Variants in HOMER1 observed in about 807,000 individuals in gnomAD.
The protein encoded by HOMER1 is homer protein homolog 1.
Under a neutral mutation model 48.9 loss-of-function variants are expected in HOMER1, and 3 were observed. The ratio of observed to expected loss-of-function variants is 0.06; its 90% CI spans 0.03 to 0.16. The LOEUF is 0.16. HOMER1 is among the 10% of genes least tolerant of loss of function. HOMER1 has a pLI of 1.00. For synonymous variants in HOMER1, 134 were observed against 146.4 expected, an observed-to-expected ratio of 0.92 and a Z score of 0.61; for missense variants, 247 against 411.4, an observed-to-expected ratio of 0.60 and a Z score of 3.46.
Position 79,456,964 on chromosome 5 carries a change from T to G in HOMER1, c.60A>C (p.Thr20=), listed in dbSNP as rs61737642. The change falls in exon 2 of 9, where the codon ACA becomes ACC. Residue 20 remains threonine, a synonymous_variant. Transcript: ENST00000334082. ...RAHVFQIDPN[T]KKNWVPTSKH... The stretch of plus-strand genomic sequence containing the variant: ...TGCTGGTGGGTACCCAGTTCTTCTT[T>G]GTGTTTGGGTCAATTTGGAAGACAT... The G allele has an allele frequency of 3.7e-6, 6 of 1,613,910 alleles. No homozygotes were observed. The highest frequency in any genetic ancestry group is 5.1e-6 in the Non-Finnish European group (6 of 1,179,920).
intron 5 of HOMER1, among the ~76,000 whole-genome samples, chr5:79,415,601 G>A (rs943396935): frequency 2.6e-5 from 4 of 152,060 alleles, no homozygotes; most frequent in Admixed American, 2.0e-4. Flanking sequence ...TTTAATTGAC[G>A]ATATTTTTTC....
chr5:79,498,905 G>A (rs909582032), intron 1 of HOMER1, among the ~76,000 whole-genome samples: 1 of 148,256 alleles, frequency 6.7e-6, no homozygotes, highest in African/African-American at 2.5e-5. Context: ...GCATGATCTC[G>A]GCCCATTGCA....
chr5:79,446,727 C>T (rs927840322), intron 4 of HOMER1, among the ~76,000 whole-genome samples: 3 of 151,640 alleles, frequency 2.0e-5, no homozygotes, highest in African/African-American at 7.3e-5. Flanking sequence ...GCAGCCTCGA[C>T]CTCCCAGTCA....
chr5:79,427,358 A>G lies in HOMER1; in HGVS notation c.527+11652T>C, dbSNP rs1011688693. On this transcript the variant is annotated intron_variant, in intron 5 of 8. Coordinates refer to ENST00000334082, the MANE Select transcript of HOMER1 (RefSeq NM_004272.5). ...GCTTTATATTCATTGGAATAATCCT[A>G]TAATTTATCCAGTTTTTTTTTGTAT... 3.3e-5 allele frequency among the ~76,000 whole-genome samples: 5 copies of G among 152,196 alleles called. No homozygotes were observed. In the East Asian group the frequency reaches 9.7e-4, roughly 29 times the overall value.
chr5:79,384,359 A>G (rs1485559451), intron 8 of HOMER1, among the ~76,000 whole-genome samples: 1 of 152,176 alleles, frequency 6.6e-6, no homozygotes, highest in Non-Finnish European at 1.5e-5. Context: ...AAAGATTACG[A>G]GAGACTATTA....
intron 7 of HOMER1, 57 bp from the exon 8 acceptor site, chr5:79,396,960 C>T: frequency 3.3e-6 from 3 of 900,550 alleles, no homozygotes. Flanking sequence ...AAGGGAAGGT[C>T]TTGTTTTTCC....
At chr5:79,477,956 C>T (rs555806449) in intron 1 of HOMER1, among the ~76,000 whole-genome samples, 1 of 152,072 alleles carries the variant, frequency 6.6e-6, no homozygotes, top group South Asian at 2.1e-4. Context: ...ATGCCACAGA[C>T]TGAATAACAC....
chr5:79,468,850 A>G (rs1247857160), intron 1 of HOMER1, among the ~76,000 whole-genome samples: 2 of 152,180 alleles, frequency 1.3e-5, no homozygotes, highest in Admixed American at 1.3e-4. Context: ...ATTTGTGCCA[A>G]TTTTGGACAT....
chr5:79,504,315 T>G (rs1752688002), intron 1 of HOMER1, among the ~76,000 whole-genome samples: 2 of 149,772 alleles, frequency 1.3e-5, no homozygotes, highest in Admixed American at 1.3e-4. Context: ...GCAGAGTGAT[T>G]AAGCAAAGCA....
At position 79,480,717 on chromosome 5, in the gene HOMER1, T is replaced by C. The variant is rs144439030; in HGVS notation, c.6-23699A>G. Among the ~76,000 whole-genome samples the C allele has an allele frequency of 1.8e-3, 280 of 152,342 alleles. 3 individuals carry two copies. The South Asian group carries it at 0.035, about 19-fold the overall frequency. On this transcript the variant is annotated intron_variant, in intron 1 of 8. Coordinates refer to ENST00000334082, the MANE Select transcript of HOMER1 (RefSeq NM_004272.5). ...AATCTGAGAATTTTAACTTTGCTCATGCAAACAAACTTTTCATAACTGAAA... is the reference window on the plus strand; with the variant it reads ...AATCTGAGAATTTTAACTTTGCTCACGCAAACAAACTTTTCATAACTGAAA...
chr5:79,433,760 TAG>T (rs1750489816), intron 5 of HOMER1, among the ~76,000 whole-genome samples: 1 of 152,204 alleles, frequency 6.6e-6, no homozygotes, highest in Non-Finnish European at 1.5e-5. Flanking sequence ...GTCATAGTTT[TAG>T]AGTGTTTCTA....
At chr5:79,393,078 A>G (rs765472752) in intron 8 of HOMER1, among the ~76,000 whole-genome samples, 6 of 152,074 alleles carry the variant, frequency 3.9e-5, no homozygotes, top group Non-Finnish European at 8.8e-5. Context: ...TTTCTGTATT[A>G]TTCTTGCAAC....
At chr5:79,418,648 T>C (rs1750010436) in intron 5 of HOMER1, among the ~76,000 whole-genome samples, 1 of 152,340 alleles carries the variant, frequency 6.6e-6, no homozygotes, top group East Asian at 1.9e-4. Context: ...GACCAGTGAC[T>C]TGGGCTTCCT....
At chr5:79,477,863 T>C (rs924597899) in intron 1 of HOMER1, among the ~76,000 whole-genome samples, 5 of 152,180 alleles carry the variant, frequency 3.3e-5, no homozygotes, top group African/African-American at 1.2e-4. Context: ...TTTTTTTTTT[T>C]TAATCAATCA....
chr5:79,381,235 C>G (rs749864779), intron 8 of HOMER1, among the ~76,000 whole-genome samples: 1 of 152,066 alleles, frequency 6.6e-6, no homozygotes, highest in Non-Finnish European at 1.5e-5. Context: ...ATCACAGGTA[C>G]TATTGATGCT....
intron 5 of HOMER1, among the ~76,000 whole-genome samples, chr5:79,437,348 T>G (rs1580450970): frequency 6.6e-6 from 1 of 152,220 alleles, no homozygotes; most frequent in African/African-American, 2.4e-5. Flanking sequence ...TATAGTTTAA[T>G]AGGAAGAAAA....
chr5:79,381,047 C>A (rs781298595), intron 8 of HOMER1, among the ~76,000 whole-genome samples: 1 of 152,146 alleles, frequency 6.6e-6, no homozygotes, highest in East Asian at 1.9e-4. Flanking sequence ...ACCCCAAAAT[C>A]AGCTTGCCTG....
intron 5 of HOMER1, among the ~76,000 whole-genome samples, chr5:79,435,338 A>T (rs1399450815): frequency 2.0e-5 from 3 of 152,220 alleles, no homozygotes; most frequent in Non-Finnish European, 4.4e-5. Context: ...CTAAGTAGCT[A>T]TTACTACAGT....
rs117036300 is a variant in HOMER1 at position 79,447,228 on chromosome 5, T to C, written c.295-83A>G. ...TTTACCTTAGTAAAGTTATTCATTT[T>C]CTGAATAACTGACTCTACACAAGCA... On this transcript the variant is annotated intron_variant, in intron 3 of 8. Coordinates refer to ENST00000334082, the MANE Select transcript of HOMER1 (RefSeq NM_004272.5). The C allele has an allele frequency of 1.4e-3, 1,130 of 789,980 alleles. 22 individuals are homozygous for C. In the East Asian group the frequency reaches 0.026, roughly 18 times the overall value. 48.9% of individuals were successfully genotyped at this position (789,980 alleles called of 1,614,324 possible). A position where few individuals can be genotyped will look rare whatever the true frequency, so the allele number is the denominator to read the frequency against.
Sources: gnomAD v4.1 joint callset for allele counts (sites outside exome capture counted in the v4.1 genomes callset) on GRCh38, gnomAD v4.1.1 for gene constraint, MANE v1.5 for transcripts, NCBI Gene and HGNC (gene_info 2026-07-23, HGNC 2026-07-21) for gene names.